Variants in NCKAP5 observed in about 807,000 individuals in gnomAD.
NCKAP5 encodes nck-associated protein 5.
Under a neutral mutation model 167.0 loss-of-function variants are expected in NCKAP5, and 92 were observed. That is an observed-to-expected ratio of 0.55 (90% confidence interval 0.47 to 0.66). The LOEUF (loss-of-function observed/expected upper bound fraction) is 0.66. NCKAP5 is among the 30% of genes least tolerant of loss of function. The probability of loss-of-function intolerance (pLI) is 0.00; values close to 1 mark genes in which losing one functional copy is unlikely to be tolerated. For missense variants in NCKAP5, 2,378 were observed against 2,315.0 expected, an observed-to-expected ratio of 1.03 and a Z score of -0.56; for synonymous variants, 891 against 877.4, an observed-to-expected ratio of 1.02 and a Z score of -0.27.
chr2:133,505,979 T>C (rs1682969936), intron 3 of NCKAP5, among the ~76,000 whole-genome samples: 1 of 152,214 alleles, frequency 6.6e-6, no homozygotes, highest in African/African-American at 2.4e-5. Context: ...CTCATCATAG[T>C]GTCCCACCAT....
chr2:133,492,180 T>C (rs1559524842), intron 3 of NCKAP5, among the ~76,000 whole-genome samples: 1 of 150,908 alleles, frequency 6.6e-6, no homozygotes, highest in African/African-American at 2.4e-5. Flanking sequence ...TTAAGGTCTA[T>C]CTTGTCACCA....
chr2:133,492,672 A>G (rs969978232), intron 3 of NCKAP5, among the ~76,000 whole-genome samples: 3 of 152,250 alleles, frequency 2.0e-5, no homozygotes, highest in African/African-American at 7.2e-5. Flanking sequence ...CAGGGATGTT[A>G]GATATATAAC....
chr2:133,478,447 T>G (rs1221526663), intron 3 of NCKAP5, among the ~76,000 whole-genome samples: 1 of 152,168 alleles, frequency 6.6e-6, no homozygotes, highest in Non-Finnish European at 1.5e-5. Context: ...ACTGGGATCT[T>G]GAACCTTCCT....
intron 5 of NCKAP5, among the ~76,000 whole-genome samples, chr2:133,192,623 C>T (rs1049546943): frequency 1.3e-5 from 2 of 151,662 alleles, no homozygotes; most frequent in African/African-American, 4.8e-5. Context: ...AGATTATACA[C>T]AAATGACAAA....
intron 2 of NCKAP5, among the ~76,000 whole-genome samples, chr2:133,546,176 C>A (rs16826351): frequency 0.073 from 11,073 of 151,468 alleles, 606 homozygotes; most frequent in East Asian, 0.27. Context: ...GAGCTCAGAT[C>A]TTCAGATACA....
At chr2:132,908,747 C>T (rs1574594244) in intron 8 of NCKAP5, among the ~76,000 whole-genome samples, 2 of 152,152 alleles carry the variant, frequency 1.3e-5, no homozygotes, top group Non-Finnish European at 2.9e-5. Flanking sequence ...AGTTATGCTA[C>T]CTTCCCAGTT....
At chr2:133,583,055 A>G in the NCKAP5 span, among the ~76,000 whole-genome samples, 1 of 152,216 alleles carries the variant, frequency 6.6e-6, no homozygotes, top group African/African-American at 2.4e-5. Flanking sequence ...CAATTAGGCT[A>G]TTATTTGATT....
intron 8 of NCKAP5, among the ~76,000 whole-genome samples, chr2:132,935,203 G>C (rs16843849): frequency 0.063 from 9,615 of 152,174 alleles, 787 homozygotes; most frequent in East Asian, 0.23. Context: ...TTTGTAGATT[G>C]GATTGATGAC....
chr2:132,925,591 T>C (rs1321953319), intron 8 of NCKAP5, among the ~76,000 whole-genome samples: 8 of 147,416 alleles, frequency 5.4e-5, no homozygotes, highest in Admixed American at 3.4e-4. Context: ...AAAAATCTAA[T>C]GCTGCCACTT....
At chr2:132,757,335 G>T (rs1470317389) in intron 16 of NCKAP5, among the ~76,000 whole-genome samples, 1 of 152,134 alleles carries the variant, frequency 6.6e-6, no homozygotes. Context: ...AAAAAATGAG[G>T]ATTTCTCTTT....
At chr2:133,658,340 G>T in the NCKAP5 span, among the ~76,000 whole-genome samples, 1 of 152,162 alleles carries the variant, frequency 6.6e-6, no homozygotes, top group African/African-American at 2.4e-5. Context: ...CAAAGTAGTG[G>T]TGTGTAAAAT....
chr2:133,201,805 C>T (rs906241191), intron 5 of NCKAP5, among the ~76,000 whole-genome samples: 3 of 152,082 alleles, frequency 2.0e-5, no homozygotes, highest in African/African-American at 4.8e-5. Context: ...AAGGCCATTC[C>T]AGCCACAAGA....
At chr2:133,010,961 A>G (rs2149360822) in intron 6 of NCKAP5, among the ~76,000 whole-genome samples, 1 of 152,350 alleles carries the variant, frequency 6.6e-6, no homozygotes, top group South Asian at 2.1e-4. Flanking sequence ...TGATATTTAA[A>G]AGCAATAGAA....
At chr2:132,683,550 A>T (rs1007731668) in intron 19 of NCKAP5, among the ~76,000 whole-genome samples, 1 of 152,188 alleles carries the variant, frequency 6.6e-6, no homozygotes, top group Non-Finnish European at 1.5e-5. Context: ...CTTTATGGAA[A>T]TCCAGGTGCA....
intron 6 of NCKAP5, among the ~76,000 whole-genome samples, chr2:133,120,507 C>T (rs1319680613): frequency 6.6e-6 from 1 of 152,186 alleles, no homozygotes; most frequent in Non-Finnish European, 1.5e-5. Context: ...GCCTCTGCCT[C>T]TGCCCCATAT....
At chr2:132,764,235 G>A (rs1185153768) in intron 16 of NCKAP5, among the ~76,000 whole-genome samples, 1 of 152,166 alleles carries the variant, frequency 6.6e-6, no homozygotes, top group African/African-American at 2.4e-5. Flanking sequence ...AAAACATGGA[G>A]GGTGATATGT....
chr2:133,103,656 G>A (rs1318052331), intron 6 of NCKAP5, among the ~76,000 whole-genome samples: 1 of 152,136 alleles, frequency 6.6e-6, no homozygotes, highest in African/African-American at 2.4e-5. Flanking sequence ...ACTGGGCGTG[G>A]TACTCCAGCT....
chr2:132,966,874 C>T (rs1439721863), intron 7 of NCKAP5, among the ~76,000 whole-genome samples: 1 of 152,080 alleles, frequency 6.6e-6, no homozygotes, highest in Admixed American at 6.6e-5. Context: ...ACAGTGAAAT[C>T]ACCAACAAAA....
intron 5 of NCKAP5, among the ~76,000 whole-genome samples, chr2:133,132,784 C>G (rs976784353): frequency 6.6e-6 from 1 of 151,030 alleles, no homozygotes; most frequent in African/African-American, 2.4e-5. Flanking sequence ...TCACACTATT[C>G]TCCTGCCTCA....
Sources: allele counts gnomAD v4.1 joint callset (sites outside exome capture counted in the v4.1 genomes callset), GRCh38; gene constraint gnomAD v4.1.1; transcripts MANE v1.5; gene names NCBI Gene and HGNC (gene_info 2026-07-23, HGNC 2026-07-21).